RIF1: variants seen among roughly 807,000 people sequenced by gnomAD.
The protein encoded by RIF1 is replication timing regulatory factor 1.
RIF1 carries 45 observed loss-of-function variants against 247.1 expected under a neutral mutation model. The observed-to-expected ratio is 0.18, with a 90% confidence interval of 0.14 to 0.23. The LOEUF (loss-of-function observed/expected upper bound fraction) is 0.23. Ranked by LOEUF, RIF1 falls within the 10% of genes least tolerant of loss-of-function variation. The pLI, the probability that RIF1 is intolerant of heterozygous loss-of-function variation, is 1.00. For missense variants in RIF1, 2,967 were observed against 2,862.5 expected (o/e 1.04, Z -0.83); for synonymous variants, 1,087 against 978.8 (o/e 1.11, Z -2.06).
chr2:151,468,196 A>G, intron 31 of RIF1, 50 bp downstream of exon 31: 1 of 1,462,462 alleles, frequency 6.8e-7, no homozygotes, highest in Non-Finnish European at 9.4e-7. Flanking sequence ...ACACAGAATT[A>G]CATGTACATG....
chr2:151,438,895 G>A, intron 14 of RIF1, 149 bp downstream of exon 14: 2 of 573,040 alleles, frequency 3.5e-6, no homozygotes, highest in East Asian at 5.7e-5. Context: ...TTAATTTGTA[G>A]TTAATGTTTG....
At chr2:151,511,752 A>T (rs2074536011), downstream of RIF1, among the ~76,000 whole-genome samples, 1 of 152,202 alleles carries the variant, frequency 6.6e-6, no homozygotes, top group Admixed American at 6.5e-5. Flanking sequence ...CTCTATTTGT[A>T]GGAAGATGAT....
At position 151,465,469 on chromosome 2, in the gene RIF1, A is replaced by G. The variant is rs1319249908; in HGVS notation, c.5949A>G (p.Lys1983=). Residue 1983 remains lysine, a synonymous_variant, in exon 30 of 36, where the codon AAA becomes AAG. Transcript: ENST00000444746. ...ISLSDNTTPV[K]LNAQTEISEQ... is the part of the protein sequence containing the mutation. ...TTTCTGATAATACTACACCTGTAAA[A>G]TTGAATGCTCAAACTGAGATTTCTG... is the stretch of plus-strand genomic sequence containing the variant. 1.2e-6 allele frequency: 2 copies of G among 1,614,154 alleles called. No individual in the cohort carries two copies. Among genetic ancestry groups the G allele is most frequent in the Admixed American group, 1.7e-5 (1 of 60,030 alleles).
the RIF1 span, chr2:151,529,264 C>T: frequency 6.2e-7 from 1 of 1,613,686 alleles, no homozygotes; most frequent in African/African-American, 1.3e-5. Context: ...CAGCATCTGG[C>T]TCAATGGTGC....
chr2:151,436,840 G>A lies in RIF1; in HGVS notation c.1209G>A (p.Pro403=), dbSNP rs377338219. The A allele has an allele frequency of 9.5e-5, 151 of 1,591,918 alleles. 1 individual carries two copies. The highest frequency in any genetic ancestry group is 3.2e-4 in the South Asian group (28 of 87,034). Residue 403 remains proline, a synonymous_variant, in exon 12 of 36, where the codon CCG becomes CCA. Coordinates refer to ENST00000444746, the MANE Select transcript of RIF1 (RefSeq NM_018151.5). The part of the protein sequence containing the change: ...MTPVHKGASS[P]YGAPGTPRMN... The stretch of plus-strand genomic sequence containing the variant: ...TTTTTCTTAAAGGTGCTTCCTCCCC[G>A]TACGGAGCCCCGGGAACTCCCCGAA...
At chr2:151,453,826 A>G (rs1301864389) in intron 21 of RIF1, among the ~76,000 whole-genome samples, 1 of 152,198 alleles carries the variant, frequency 6.6e-6, no homozygotes, top group East Asian at 1.9e-4. Context: ...TTACTGTGGC[A>G]CAATTATTGC....
At chr2:151,513,696 A>G in the RIF1 span, 3 of 1,576,616 alleles carry the variant, frequency 1.9e-6, no homozygotes, top group Non-Finnish European at 2.6e-6. Context: ...TATTCTTTCT[A>G]TAGTAGCATT....
At position 151,481,606 on chromosome 2, in the gene RIF1, T is replaced by A. The variant is rs141328648; in HGVS notation, c.*6535T>A. ...CTTAGTTTTACATTCACAAAGTATT[T>A]GTATTTGATAAGTCTTAAAAATGAT... On this transcript the variant is annotated 3_prime_UTR_variant, in exon 36 of 36. Coordinates refer to ENST00000444746, the MANE Select transcript of RIF1 (RefSeq NM_018151.5). 6.6e-6 allele frequency: 1 copy of A among 152,360 alleles called. No individual in the cohort carries two copies. The highest frequency in any genetic ancestry group is 2.4e-5 in the African/African-American group (1 of 41,570). The allele number at this position is 152,360 out of a possible 1,614,324, so 9.4% of individuals were successfully genotyped here.
chr2:151,475,157 C>T lies in RIF1; in HGVS notation c.*86C>T. On this transcript the variant is annotated 3_prime_UTR_variant, in exon 36 of 36. Transcript: ENST00000444746. ...AAGTTCTGAAATAATAGCACAATTT[C>T]AAAGAAGAGACTCTTTGCAAAGTTG... 1 of 924,498 alleles carries T rather than the reference C, an allele frequency of 1.1e-6. No homozygotes were observed. The highest frequency in any genetic ancestry group is 2.6e-5 in the East Asian group (1 of 39,192). 57.3% of individuals were successfully genotyped at this position (924,498 alleles called of 1,614,324 possible).
chr2:151,442,076 T>TTATTG (rs1692399878), intron 16 of RIF1, 85 bp downstream of exon 16: 1 of 277,236 alleles, frequency 3.6e-6, no homozygotes, highest in Non-Finnish European at 6.5e-6. Context: ...TTATTTTATT[T>TTATTG]TATTTTATTT....
At chr2:151,518,746 A>AT in the RIF1 span, among the ~76,000 whole-genome samples, 2 of 152,174 alleles carry the variant, frequency 1.3e-5, no homozygotes, top group Non-Finnish European at 2.9e-5. Context: ...AAGTTTAAAT[A>AT]TTTTTTAAAA....
chr2:151,493,631 T>TG (rs1432337562), intron 9 of RIF1: 97 of 747,004 alleles, frequency 1.3e-4, no homozygotes, highest in Non-Finnish European at 1.2e-4. Context: ...CCTCGTGGGG[T>TG]TGGTTTGTTG....
rs554266148 is a variant in RIF1 at position 151,475,917 on chromosome 2, G to T, written c.*846G>T. ...ATACTGAAATATCAGTATCGACGGT[G>T]GAAGTGCTTCATGGGCTTGCTGCAC... On this transcript the variant is annotated 3_prime_UTR_variant, in exon 36 of 36. Coordinates refer to ENST00000444746, the MANE Select transcript of RIF1 (RefSeq NM_018151.5). The T allele has an allele frequency of 1.4e-4, 22 of 152,632 alleles. No individual in the cohort carries two copies. The highest frequency in any genetic ancestry group is 2.4e-4 in the Non-Finnish European group (16 of 67,974). The allele number at this position is 152,632 out of a possible 1,614,324, so 9.5% of individuals were successfully genotyped here. A position where few individuals can be genotyped will look rare whatever the true frequency, so the allele number is the denominator to read the frequency against.
At chr2:151,499,486 C>A in exon 11 of RIF1, 1 of 689,738 alleles carries the variant, frequency 1.4e-6, no homozygotes, top group Non-Finnish European at 2.6e-6. Context: ...CTACAGACGT[C>A]AGACAGAAAA....
In RIF1 at chr2:151,462,881, C is replaced by T; in HGVS notation, c.3364-3C>T. Reference sequence around the variant, plus strand: ...GTATATATATGTATATATTTCTGTGCAGGAGGAGCAAATGGACAGTGACAT... The same window carrying T: ...GTATATATATGTATATATTTCTGTGTAGGAGGAGCAAATGGACAGTGACAT... On this transcript the variant is annotated splice_polypyrimidine_tract_variant and splice_region_variant and intron_variant, in intron 29 of 35. Transcript: ENST00000444746. 6.3e-7 allele frequency: 1 copy of T among 1,575,888 alleles called. No individual in the cohort carries two copies. The highest frequency in any genetic ancestry group is 8.6e-7 in the Non-Finnish European group (1 of 1,158,940).
chr2:151,526,416 T>A, the RIF1 span, among the ~76,000 whole-genome samples: 1 of 152,116 alleles, frequency 6.6e-6, no homozygotes, highest in Non-Finnish European at 1.5e-5. Context: ...TCAAAAGGGT[T>A]TTTTCCTTAT....
At chr2:151,490,261 G>A in intron 9 of RIF1, 1 of 1,371,312 alleles carries the variant, frequency 7.3e-7, no homozygotes, top group Non-Finnish European at 9.9e-7. Flanking sequence ...TCTCATTAAA[G>A]GAAAGGATGA....
the RIF1 span, chr2:151,519,217 A>T: frequency 1.5e-6 from 1 of 663,112 alleles, no homozygotes. Flanking sequence ...AGAAGGCAGA[A>T]ACAACCCAAG....
At chr2:151,502,647 TACTA>T (rs1468251547) in intron 11 of RIF1, 1 of 632,740 alleles carries the variant, frequency 1.6e-6, no homozygotes, top group East Asian at 2.8e-5. Flanking sequence ...CAGAACTAAA[TACTA>T]AATTAGATTT....
Sources: allele counts gnomAD v4.1 joint callset (sites outside exome capture counted in the v4.1 genomes callset), GRCh38; gene constraint gnomAD v4.1.1; transcripts MANE v1.5; gene names NCBI Gene and HGNC (gene_info 2026-07-23, HGNC 2026-07-21).